NIPBL: variants seen among roughly 807,000 people sequenced by gnomAD.
NIPBL encodes NIPBL cohesin loading factor, also known as nipped-B-like protein.
NIPBL carries 19 observed loss-of-function variants against 321.8 expected under a neutral mutation model. That is an observed-to-expected ratio of 0.06 (90% confidence interval 0.04 to 0.09). NIPBL has a LOEUF of 0.09. Among genes scored for constraint, NIPBL ranks in the 10% least tolerant of loss-of-function variants. NIPBL has a pLI of 1.00. For missense variants in NIPBL, 2,210 were observed against 3,327.0 expected, an observed-to-expected ratio of 0.66 and a Z score of 8.26; for synonymous variants, 1,106 against 1,114.1, an observed-to-expected ratio of 0.99 and a Z score of 0.14.
chr5:37,000,691 A>G (rs1746689128), intron 12 of NIPBL, 121 bp downstream of exon 12: 1 of 1,297,622 alleles, frequency 7.7e-7, no homozygotes, highest in South Asian at 1.3e-5. Context: ...AGACAAAAAT[A>G]CTTAGTTTCT....
rs1749311330 is a variant in NIPBL, at chr5:36,925,721, A to G, written c.-79-27897A>G. On this transcript the variant is annotated intron_variant, in intron 1 of 46. Transcript: ENST00000282516. ...AAACCTGTTTTTGCCACTATTGCAT[A>G]TTGTTAGAAGGCTGTTTCTTCTTGA... Among the ~76,000 whole-genome samples the G allele has an allele frequency of 4.6e-5, 7 of 152,320 alleles. No individual in the cohort carries two copies. The South Asian group carries it at 1.5e-3, about 32-fold the overall frequency.
chr5:37,049,102 C>CT lies in NIPBL; in HGVS notation c.6764-5dup. The stretch of plus-strand genomic sequence containing the variant: ...TTAATGTGTGTTTATCCTTTGCTTG[C>CT]TTTTGTAGGGAAGAAAGTTGCAAAA... On this transcript the variant is annotated splice_polypyrimidine_tract_variant and intron_variant, in intron 39 of 46. Coordinates refer to ENST00000282516, the MANE Select transcript of NIPBL (RefSeq NM_133433.4). 1 of 1,613,798 alleles carries CT rather than the reference C, an allele frequency of 6.2e-7. No individual in the cohort carries two copies. Among genetic ancestry groups the CT allele is most frequent in the Non-Finnish European group, 8.5e-7 (1 of 1,179,792 alleles).
chr5:36,995,524 A>G, intron 10 of NIPBL, 98 bp from the exon 11 acceptor site: 1 of 787,488 alleles, frequency 1.3e-6, no homozygotes, highest in Non-Finnish European at 2.1e-6. Context: ...GTTGATTTAG[A>G]AAACAAATAC....
At chr5:37,045,090 G>C (rs1050051251) in intron 36 of NIPBL, among the ~76,000 whole-genome samples, 3 of 152,174 alleles carry the variant, frequency 2.0e-5, no homozygotes. Context: ...AGTGGCTCAT[G>C]CCTGTAATCC....
chr5:36,997,219 T>G (rs1746231076), intron 11 of NIPBL, among the ~76,000 whole-genome samples: 1 of 152,144 alleles, frequency 6.6e-6, no homozygotes, highest in South Asian at 2.1e-4. Context: ...TCTTTCCCTC[T>G]AATAAACATA....
chr5:37,029,531 G>A (rs1252106932), intron 32 of NIPBL, among the ~76,000 whole-genome samples: 1 of 152,084 alleles, frequency 6.6e-6, no homozygotes, highest in Non-Finnish European at 1.5e-5. Flanking sequence ...GTGAATATTG[G>A]TGTGTAAGGT....
intron 6 of NIPBL, among the ~76,000 whole-genome samples, chr5:36,968,781 C>T (rs1324939008): frequency 1.3e-5 from 2 of 152,080 alleles, no homozygotes; most frequent in African/African-American, 2.4e-5. Flanking sequence ...CAGGAACAGG[C>T]CATGAATGCC....
chr5:37,025,816 A>T (rs1303992525), intron 30 of NIPBL, among the ~76,000 whole-genome samples: 3 of 152,060 alleles, frequency 2.0e-5, no homozygotes, highest in Non-Finnish European at 1.5e-5. Flanking sequence ...TAAAAAAAAA[A>T]TTTTAAGTTT....
At position 36,985,516 on chromosome 5, in the gene NIPBL, T is replaced by G. The variant is rs1744672360; in HGVS notation, c.2336T>G (p.Val779Gly). 6.2e-7 allele frequency: 1 copy of G among 1,613,516 alleles called. No homozygotes were observed. Among genetic ancestry groups the G allele is most frequent in the African/African-American group, 1.3e-5 (1 of 74,928 alleles). Residue 779 changes from valine (V) to glycine (G), a missense_variant, in exon 10 of 47, where the codon GTG becomes GGG. By Grantham distance (109) the Val-to-Gly change is moderately radical. Coordinates refer to ENST00000282516, the MANE Select transcript of NIPBL (RefSeq NM_133433.4). Reference sequence around the variant, plus strand: ...CCATCTACAGAGAAAAAACCTGAAGTGTCTAAACATAAACAAGATACTAAA... The same window carrying G: ...CCATCTACAGAGAAAAAACCTGAAGGGTCTAAACATAAACAAGATACTAAA... The part of the protein sequence containing the change: ...GKPSTEKKPE[V>G]SKHKQDTKSD...
At chr5:36,895,748 G>A (rs1746683372) in intron 1 of NIPBL, among the ~76,000 whole-genome samples, 1 of 152,084 alleles carries the variant, frequency 6.6e-6, no homozygotes, top group African/African-American at 2.4e-5. Flanking sequence ...TTGGTCATTT[G>A]TGTATCTTCT....
rs1402211836 is a variant in NIPBL at position 37,027,359 on chromosome 5, G to A, written c.5809G>A (p.Val1937Ile). 5.0e-6 allele frequency: 8 copies of A among 1,609,630 alleles called. No individual in the cohort carries two copies. Among genetic ancestry groups the A allele is most frequent in the African/African-American group, 1.3e-5 (1 of 74,740 alleles). ...TRKILNITDV[V>I]AACRDTGYDW... ...CTTTGATTCTTTTCATCACCCTTAG[G>A]TTGCAGCATGCAGAGATACTGGATA... Residue 1937 changes from valine (V) to isoleucine (I), a missense_variant and splice_region_variant, in exon 32 of 47, where the codon GTT becomes ATT. Transcript: ENST00000282516.
chr5:37,048,540 C>A lies in NIPBL; in HGVS notation c.6628C>A (p.Gln2210Lys). ...TCAGCATCCAAGTCTAATGTTCGAGCAAGAAGTGAAGAATCTATATAATAA... is the reference window on the plus strand; with the variant it reads ...TCAGCATCCAAGTCTAATGTTCGAGAAAGAAGTGAAGAATCTATATAATAA... ...FIQHPSLMFEQEVKNLYNNIL... is the reference protein window; with the variant it reads ...FIQHPSLMFEKEVKNLYNNIL... The change falls in exon 39 of 47, where the codon CAA becomes AAA. Residue 2210 changes from glutamine to lysine, a missense_variant. Gln to Lys is a moderately conservative substitution (Grantham distance 53, BLOSUM62 1). Around this residue, in one of 14 missense-constraint regions of NIPBL, gnomAD observed 40 missense variants for 55.3 expected, o/e 0.72. Transcript: ENST00000282516. 6.3e-7 allele frequency: 1 copy of A among 1,585,750 alleles called. No homozygotes were observed. Among genetic ancestry groups the A allele is most frequent in the Non-Finnish European group, 8.6e-7 (1 of 1,166,110 alleles).
At chr5:36,979,227 A>G (rs1177340873) in intron 9 of NIPBL, among the ~76,000 whole-genome samples, 1 of 151,864 alleles carries the variant, frequency 6.6e-6, no homozygotes, top group Admixed American at 6.6e-5. Flanking sequence ...TGACCATGGA[A>G]TGTTTTTGAT....
chr5:36,946,167 C>T (rs1385334528), intron 1 of NIPBL, among the ~76,000 whole-genome samples: 1 of 152,048 alleles, frequency 6.6e-6, no homozygotes, highest in Non-Finnish European at 1.5e-5. Flanking sequence ...TCTTGCTCCT[C>T]TTTTACTAAA....
At chr5:36,916,555 T>G (rs992800456) in intron 1 of NIPBL, among the ~76,000 whole-genome samples, 1 of 152,062 alleles carries the variant, frequency 6.6e-6, no homozygotes, top group Non-Finnish European at 1.5e-5. Flanking sequence ...CAACGTGCAG[T>G]TTTGTTACAT....
intron 1 of NIPBL, among the ~76,000 whole-genome samples, chr5:36,949,057 G>A (rs763900141): frequency 4.6e-5 from 7 of 151,678 alleles, no homozygotes; most frequent in Admixed American, 6.6e-5. Flanking sequence ...TGCATTTAAC[G>A]AACACTTAGT....
intron 32 of NIPBL, among the ~76,000 whole-genome samples, chr5:37,033,560 TAAAAA>T (rs35536025): frequency 6.9e-6 from 1 of 144,614 alleles, no homozygotes; most frequent in African/African-American, 2.5e-5. Context: ...CCATAAGAAT[TAAAAA>T]AAAAAGATTC....
chr5:37,049,359 A>G, intron 40 of NIPBL, 58 bp downstream of exon 40: 2 of 1,528,408 alleles, frequency 1.3e-6, no homozygotes, highest in Non-Finnish European at 1.8e-6. Context: ...TTGTAATTTG[A>G]TACATTGTGA....
rs1308419890 is a variant in NIPBL, at chr5:36,987,019, C to G, written c.3121+718C>G. 4.6e-5 allele frequency among the ~76,000 whole-genome samples: 7 copies of G among 152,054 alleles called. No homozygotes were observed. The East Asian group carries it at 7.7e-4, about 17-fold the overall frequency. On this transcript the variant is annotated intron_variant, in intron 10 of 46. Coordinates refer to ENST00000282516, the MANE Select transcript of NIPBL (RefSeq NM_133433.4). ...TGTGCAGAAGATATACTTCTGTATC[C>G]CTTTGTACACAAGTATTTAAAATAA... is the stretch of plus-strand genomic sequence containing the variant.
Sources: allele counts gnomAD v4.1 joint callset (sites outside exome capture counted in the v4.1 genomes callset), GRCh38; gene constraint gnomAD v4.1.1; regional missense constraint gnomAD v4.1.1; transcripts MANE v1.5; gene names NCBI Gene and HGNC (gene_info 2026-07-23, HGNC 2026-07-21).